Variants in RHCE observed in about 807,000 individuals in gnomAD.
The protein encoded by RHCE is Rh blood group CcEe antigens.
In RHCE, 22 loss-of-function variants were observed where a neutral mutation model predicts 43.8. That is an observed-to-expected ratio of 0.50 (90% confidence interval 0.36 to 0.72). RHCE has a LOEUF of 0.72. RHCE is among the 30% of genes least tolerant of loss of function. The pLI is 0.00. For synonymous variants in RHCE, 156 were observed against 210.7 expected, an observed-to-expected ratio of 0.74 and a Z score of 2.25; for missense variants, 385 against 525.4, an observed-to-expected ratio of 0.73 and a Z score of 2.61.
chr1:25,414,695 C>T (rs592010), intron 1 of RHCE, among the ~76,000 whole-genome samples: 4 of 152,166 alleles, frequency 2.6e-5, no homozygotes, highest in Non-Finnish European at 4.4e-5. Flanking sequence ...GATAGTCTCC[C>T]AGTTTGGTAG....
intron 7 of RHCE, among the ~76,000 whole-genome samples, chr1:25,376,532 A>G (rs1422966345): frequency 6.6e-6 from 1 of 152,214 alleles, no homozygotes; most frequent in Non-Finnish European, 1.5e-5. Flanking sequence ...CTGATTGTTC[A>G]TTATAAAGTG....
At position 25,420,023 on chromosome 1, in the gene RHCE, A is replaced by G. The variant is rs1488116545; in HGVS notation, c.148+616T>C. ...GGAGACCCACATCTCTACCAAAAAA[A>G]AAAAAAAATTTAGCCAGGCATGGTG... On this transcript the variant is annotated intron_variant, in intron 1 of 9. Transcript: ENST00000294413. 2.7e-5 allele frequency among the ~76,000 whole-genome samples: 4 copies of G among 150,314 alleles called. No homozygotes were observed. The East Asian group carries it at 5.8e-4, about 22-fold the overall frequency.
At chr1:25,390,636 C>T (rs1646327244) in intron 5 of RHCE, 113 bp downstream of exon 5, 1 of 1,268,130 alleles carries the variant, frequency 7.9e-7, no homozygotes, top group African/African-American at 1.5e-5. Context: ...CACAGCTCCA[C>T]CACCCGGCAT....
intron 1 of RHCE, among the ~76,000 whole-genome samples, chr1:25,416,819 C>CG (rs71014361): frequency 0.46 from 53,173 of 116,274 alleles, 12,734 homozygotes; most frequent in Non-Finnish European, 0.51. Context: ...TTAGAGATGG[C>CG]GGGGGGGGGT....
At chr1:25,374,252 C>T (rs1645716655) in intron 8 of RHCE, among the ~76,000 whole-genome samples, 1 of 151,824 alleles carries the variant, frequency 6.6e-6, no homozygotes, top group African/African-American at 2.4e-5. Context: ...CCACGCCTGG[C>T]TAATTTTTTA....
chr1:25,409,911 T>A (rs1295341439), intron 1 of RHCE, among the ~76,000 whole-genome samples: 1 of 151,884 alleles, frequency 6.6e-6, no homozygotes, highest in East Asian at 1.9e-4. Flanking sequence ...TTTTTTTAAT[T>A]TTGAGATAGA....
intron 1 of RHCE, among the ~76,000 whole-genome samples, chr1:25,417,269 T>C (rs1340072107): frequency 6.6e-6 from 1 of 152,126 alleles, no homozygotes; most frequent in Non-Finnish European, 1.5e-5. Context: ...TTTTTAGAAT[T>C]GGCAGGTTTG....
intron 1 of RHCE, among the ~76,000 whole-genome samples, chr1:25,413,122 G>A (rs1424382034): frequency 6.6e-6 from 1 of 151,832 alleles, no homozygotes; most frequent in East Asian, 1.9e-4. Flanking sequence ...CCAGGTATAT[G>A]CGCTCAGGGC....
chr1:25,379,495 ATTTTTTTTTTTTTTTTT>A (rs770791604), intron 7 of RHCE, among the ~76,000 whole-genome samples: 2 of 27,096 alleles, frequency 7.4e-5, no homozygotes, highest in African/African-American at 3.6e-4. Context: ...ATATATATAT[ATTTTTTTTTTTTTTTTT>A]TTTTTTTTTA....
intron 8 of RHCE, among the ~76,000 whole-genome samples, chr1:25,371,197 A>C (rs1477937177): frequency 2.6e-5 from 4 of 151,008 alleles, no homozygotes; most frequent in African/African-American, 7.4e-5. Context: ...TGTAAGACAT[A>C]TGGGCTACTA....
chr1:25,413,565 T>C (rs1379688521), intron 1 of RHCE, among the ~76,000 whole-genome samples: 2 of 152,074 alleles, frequency 1.3e-5, no homozygotes, highest in Non-Finnish European at 2.9e-5. Flanking sequence ...TCAGGAAAAG[T>C]TTATGAAAGC....
At chr1:25,425,292 A>C (rs28584804), upstream of RHCE, among the ~76,000 whole-genome samples, 11,030 of 152,226 alleles carry the variant, frequency 0.072, 1,281 homozygotes, top group African/African-American at 0.25. Flanking sequence ...CAAGCACGGA[A>C]CCAATCATTT....
In RHCE at chr1:25,380,390, A is replaced by G. The variant is rs1298857966; in HGVS notation, c.1074-4962T>C. ...GTTCTGCCCATGTTGCACTTCGCACAGGTTGGAGTCTCATGCCTGCAGTTC... is the reference window on the plus strand; with the variant it reads ...GTTCTGCCCATGTTGCACTTCGCACGGGTTGGAGTCTCATGCCTGCAGTTC... On this transcript the variant is annotated intron_variant, in intron 7 of 9. Transcript: ENST00000294413. Among the ~76,000 whole-genome samples the G allele has an allele frequency of 4.7e-5, 7 of 148,310 alleles. No individual in the cohort carries two copies. The Admixed American group carries it at 4.8e-4, about 10-fold the overall frequency.
chr1:25,427,937 T>C (rs1366081771), intron 2 of RHCE, among the ~76,000 whole-genome samples: 8 of 152,204 alleles, frequency 5.3e-5, no homozygotes, highest in East Asian at 1.9e-4. Context: ...GCCATGTGAA[T>C]TGGGATTGGA....
chr1:25,379,449 A>C (rs1645888718), intron 7 of RHCE, among the ~76,000 whole-genome samples: 2 of 77,470 alleles, frequency 2.6e-5, no homozygotes, highest in Non-Finnish European at 5.1e-5. Context: ...AATAGCACCA[A>C]AGTATATATA....
intron 1 of RHCE, chr1:25,429,188 G>A (rs2042828864): frequency 6.7e-6 from 1 of 149,746 alleles, no homozygotes; most frequent in Non-Finnish European, 1.5e-5. Context: ...GTGAAACCCA[G>A]GACAAAACAA....
At chr1:25,370,377 C>G in intron 9 of RHCE, 90 bp downstream of exon 9, 1 of 1,127,648 alleles carries the variant, frequency 8.9e-7, no homozygotes, top group East Asian at 2.4e-5. Flanking sequence ...TTTTGTTTTA[C>G]TCATAAACAG....
At chr1:25,416,625 A>AT (rs969323663) in intron 1 of RHCE, among the ~76,000 whole-genome samples, 8 of 148,884 alleles carry the variant, frequency 5.4e-5, no homozygotes, top group South Asian at 4.3e-4. Context: ...AAATATTTTC[A>AT]TTTTTTTTTG....
At chr1:25,406,250 CGTGT>C (rs35366666) in intron 2 of RHCE, among the ~76,000 whole-genome samples, 7,407 of 117,022 alleles carry the variant, frequency 0.063, 1,419 homozygotes, top group East Asian at 0.14. Context: ...TGCGTGCGTG[CGTGT>C]GTGTGTGTGT....
Sources: allele counts gnomAD v4.1 joint callset (sites outside exome capture counted in the v4.1 genomes callset), GRCh38; gene constraint gnomAD v4.1.1; transcripts MANE v1.5; gene names NCBI Gene and HGNC (gene_info 2026-07-23, HGNC 2026-07-21).